The following FHIT variants were observed in gnomAD, a reference collection of about 807,000 sequenced individuals.
The protein encoded by FHIT is fragile histidine triad diadenosine triphosphatase, also known as bis(5'-adenosyl)-triphosphatase.
Under a neutral mutation model 17.9 loss-of-function variants are expected in FHIT, and 19 were observed. That is an observed-to-expected ratio of 1.06 (90% CI 0.74 to 1.56). The LOEUF (loss-of-function observed/expected upper bound fraction) is 1.56, where lower values mean the gene tolerates loss of function less well. FHIT is among the 40% of genes most tolerant of loss of function. The probability of loss-of-function intolerance (pLI) is 0.00; values close to 1 mark genes in which losing one functional copy is unlikely to be tolerated. For missense variants in FHIT, 248 were observed against 189.2 expected, an observed-to-expected ratio of 1.31 and a Z score of -1.82; for synonymous variants, 81 against 69.7, an observed-to-expected ratio of 1.16 and a Z score of -0.81.
intron 4 of FHIT, among the ~76,000 whole-genome samples, chr3:60,669,537 T>A (rs936741956): frequency 6.6e-6 from 1 of 152,166 alleles, no homozygotes. Context: ...CATACATGTA[T>A]GTTTCAAGCA....
chr3:60,150,282 C>A (rs962964342), intron 5 of FHIT, among the ~76,000 whole-genome samples: 2 of 152,096 alleles, frequency 1.3e-5, no homozygotes, highest in Non-Finnish European at 2.9e-5. Context: ...CAGGCATGAG[C>A]CACTGTGCCC....
At chr3:60,273,205 T>C (rs889081107) in intron 5 of FHIT, among the ~76,000 whole-genome samples, 14 of 152,236 alleles carry the variant, frequency 9.2e-5, no homozygotes, top group African/African-American at 3.4e-4. Context: ...AATTCTCTAA[T>C]GTTCTACATA....
At chr3:60,192,066 C>T (rs868736741) in intron 5 of FHIT, among the ~76,000 whole-genome samples, 12 of 152,022 alleles carry the variant, frequency 7.9e-5, no homozygotes, top group Middle Eastern at 3.4e-3. Flanking sequence ...GCCTAGCAAA[C>T]ATGGCGAAAC....
intron 3 of FHIT, among the ~76,000 whole-genome samples, chr3:60,968,418 AC>A (rs1449772043): frequency 7.3e-5 from 9 of 123,086 alleles, no homozygotes; most frequent in Admixed American, 3.5e-4. Context: ...CTGCTGTAGG[AC>A]TTTTTTTTTT....
At chr3:60,594,284 T>A (rs1341737182) in intron 4 of FHIT, among the ~76,000 whole-genome samples, 1 of 152,052 alleles carries the variant, frequency 6.6e-6, no homozygotes, top group Non-Finnish European at 1.5e-5. Flanking sequence ...AGTACACACA[T>A]ACAGCGAACA....
At chr3:61,079,851 T>C (rs2035081860) in intron 2 of FHIT, among the ~76,000 whole-genome samples, 1 of 152,224 alleles carries the variant, frequency 6.6e-6, no homozygotes, top group African/African-American at 2.4e-5. Context: ...CAAACTTATA[T>C]ATTCTCCCTA....
chr3:61,001,325 C>A (rs576325280), intron 3 of FHIT, among the ~76,000 whole-genome samples: 30 of 152,196 alleles, frequency 2.0e-4, no homozygotes, highest in African/African-American at 7.2e-4. Context: ...CACAGAGAAA[C>A]GAAAACTCAT....
intron 8 of FHIT, among the ~76,000 whole-genome samples, chr3:59,864,984 T>C (rs895156199): frequency 9.9e-5 from 15 of 152,210 alleles, no homozygotes; most frequent in African/African-American, 3.4e-4. Flanking sequence ...GTATTACTAC[T>C]ACTGTCACTG....
At chr3:60,236,970 GAGATA>G (rs1245146597) in intron 5 of FHIT, among the ~76,000 whole-genome samples, 5 of 152,058 alleles carry the variant, frequency 3.3e-5, no homozygotes, top group African/African-American at 1.2e-4. Context: ...ATGTATCTCA[GAGATA>G]GATAGTCCCA....
chr3:60,442,087 TG>T lies in FHIT; in HGVS notation c.103+94772del, dbSNP rs559455316. Among the ~76,000 whole-genome samples the T allele has an allele frequency of 1.0e-3, 157 of 151,906 alleles. 3 individuals carry two copies. Among genetic ancestry groups the T allele is most frequent in the Middle Eastern group, 0.01 (3 of 294 alleles). On this transcript the variant is annotated intron_variant, in intron 5 of 9. Coordinates refer to ENST00000492590, the MANE Select transcript of FHIT (RefSeq NM_002012.4). ...GTTCCCTGTGATGGTCTTGAACTTC[TG>T]GGCTCAAGCGATCCTCCTGCCTCAG...
intron 8 of FHIT, among the ~76,000 whole-genome samples, chr3:59,763,139 A>G (rs1464515463): frequency 6.6e-6 from 1 of 152,230 alleles, no homozygotes; most frequent in African/African-American, 2.4e-5. Flanking sequence ...AAGGAATGGG[A>G]AGAGGCATAG....
At chr3:59,803,040 C>T (rs1037636746) in intron 8 of FHIT, among the ~76,000 whole-genome samples, 1 of 152,168 alleles carries the variant, frequency 6.6e-6, no homozygotes. Flanking sequence ...ATCCCCAGCG[C>T]TGCCTAGCTG....
At chr3:60,839,919 C>T (rs1023981968) in intron 3 of FHIT, among the ~76,000 whole-genome samples, 10 of 152,196 alleles carry the variant, frequency 6.6e-5, no homozygotes, top group Middle Eastern at 3.4e-3. Flanking sequence ...TATTTAACTA[C>T]GTCTTTATTT....
chr3:60,928,327 A>C (rs1575705719), intron 3 of FHIT, among the ~76,000 whole-genome samples: 2 of 151,366 alleles, frequency 1.3e-5, no homozygotes, highest in Non-Finnish European at 1.5e-5. Context: ...AATTAAAAAA[A>C]AAAAAAAGAA....
At chr3:59,884,799 T>C (rs2106971330) in intron 8 of FHIT, among the ~76,000 whole-genome samples, 1 of 152,234 alleles carries the variant, frequency 6.6e-6, no homozygotes, top group Admixed American at 6.5e-5. Context: ...AGTTACAGGG[T>C]ATATAGCAGG....
At chr3:60,193,321 A>G (rs1014459082) in intron 5 of FHIT, among the ~76,000 whole-genome samples, 6 of 152,156 alleles carry the variant, frequency 3.9e-5, no homozygotes, top group Admixed American at 3.3e-4. Context: ...TTAGGTTTCA[A>G]TGCATGTAAG....
intron 5 of FHIT, among the ~76,000 whole-genome samples, chr3:60,065,666 T>C (rs1220218807): frequency 6.6e-6 from 1 of 152,144 alleles, no homozygotes; most frequent in Non-Finnish European, 1.5e-5. Context: ...CTATTGAGTT[T>C]TTATTTTGCA....
Position 59,785,025 on chromosome 3 carries a change from G to C in FHIT, c.349-32704C>G, listed in dbSNP as rs1702772508. On this transcript the variant is annotated intron_variant, in intron 8 of 9. Coordinates refer to ENST00000492590, the MANE Select transcript of FHIT (RefSeq NM_002012.4). Reference sequence around the variant, plus strand: ...TGGAAGGCAAAGTGGAAGCAGACAGGTCACATGGCCCGAGCAACAAGAGAG... The same window carrying C: ...TGGAAGGCAAAGTGGAAGCAGACAGCTCACATGGCCCGAGCAACAAGAGAG... Among the ~76,000 whole-genome samples, 3 of 152,144 alleles carry C rather than the reference G, an allele frequency of 2.0e-5. No homozygotes were observed. In the South Asian group the frequency reaches 6.2e-4, roughly 32 times the overall value.
chr3:59,946,919 T>C (rs1042127354), intron 7 of FHIT, among the ~76,000 whole-genome samples: 3 of 152,212 alleles, frequency 2.0e-5, no homozygotes, highest in African/African-American at 7.2e-5. Context: ...TTTGCTAGTA[T>C]TTGGTTGCGG....
Sources: allele counts gnomAD v4.1 joint callset (sites outside exome capture counted in the v4.1 genomes callset), GRCh38; gene constraint gnomAD v4.1.1; transcripts MANE v1.5; gene names NCBI Gene and HGNC (gene_info 2026-07-23, HGNC 2026-07-21).